Variants in MEI1 observed in about 807,000 individuals in gnomAD.
MEI1 encodes meiosis inhibitor protein 1.
Under a neutral mutation model 146.2 loss-of-function variants are expected in MEI1, and 103 were observed. That is an observed-to-expected ratio of 0.70 (90% CI 0.60 to 0.83). MEI1 has a LOEUF of 0.83. Ranked by LOEUF, MEI1 falls within the 40% of genes least tolerant of loss-of-function variation. The pLI, the probability that MEI1 is intolerant of heterozygous loss-of-function variation, is 0.00. For missense variants in MEI1, 1,529 were observed against 1,533.0 expected (o/e 1.00, Z 0.04); for synonymous variants, 652 against 628.2 (o/e 1.04, Z -0.57).
At chr22:41,731,953 C>G (rs140624772) in intron 9 of MEI1, among the ~76,000 whole-genome samples, 1 of 152,074 alleles carries the variant, frequency 6.6e-6, no homozygotes, top group South Asian at 2.1e-4. Flanking sequence ...CAAGGAGGAA[C>G]AGGAGTATGC....
intron 15 of MEI1, among the ~76,000 whole-genome samples, 192 bp downstream of exon 15, chr22:41,748,410 G>C (rs1237889408): frequency 1.3e-5 from 2 of 152,172 alleles, no homozygotes; most frequent in Non-Finnish European, 2.9e-5. Flanking sequence ...GGGGCTGGGC[G>C]TGGTAGCTCA....
intron 11 of MEI1, among the ~76,000 whole-genome samples, chr22:41,734,317 G>A (rs900673228): frequency 1.3e-5 from 2 of 152,002 alleles, no homozygotes; most frequent in South Asian, 2.1e-4. Flanking sequence ...TGTAGACGGG[G>A]CGCGGTGGCT....
rs1436367310 is a variant in MEI1, at chr22:41,734,347, C to G, written c.1331+1744C>G. ...GTGGCTCACGCCTATAATCCCAGCA[C>G]TTTGGGAGGCTGAGGCGGGCCAATT... On this transcript the variant is annotated intron_variant, in intron 11 of 30. Coordinates refer to ENST00000401548, the MANE Select transcript of MEI1 (RefSeq NM_152513.4). 2.0e-5 allele frequency among the ~76,000 whole-genome samples: 3 copies of G among 152,054 alleles called. No individual in the cohort carries two copies. In the East Asian group the frequency reaches 5.8e-4, roughly 30 times the overall value.
In MEI1 at chr22:41,740,677, T is replaced by A. The variant is rs1601855918; in HGVS notation, c.1332-2403T>A. Among the ~76,000 whole-genome samples, 4 of 151,626 alleles carry A rather than the reference T, an allele frequency of 2.6e-5. No individual in the cohort carries two copies. The South Asian group carries it at 8.3e-4, about 32-fold the overall frequency. On this transcript the variant is annotated intron_variant, in intron 11 of 30. Transcript: ENST00000401548. ...CCCAGGAGATTGAGGCTGCTGTGAG[T>A]TGTGTTTGTGCCACTGCACTCCAGC...
Position 41,699,533 on chromosome 22 carries a change from G to A in MEI1, c.-6G>A, listed in dbSNP as rs780370761. 8.7e-6 allele frequency: 14 copies of A among 1,606,390 alleles called. No homozygotes were observed. The African/African-American group carries it at 1.7e-4, about 19-fold the overall frequency. On this transcript the variant is annotated 5_prime_UTR_variant, in exon 1 of 31. Coordinates refer to ENST00000401548, the MANE Select transcript of MEI1 (RefSeq NM_152513.4). ...AGTGCCGCCTCAGCTGAGGGCAAGCGAGGAGATGGCTGTGAGGCAGGCGGC... is the reference window on the plus strand; with the variant it reads ...AGTGCCGCCTCAGCTGAGGGCAAGCAAGGAGATGGCTGTGAGGCAGGCGGC...
intron 11 of MEI1, among the ~76,000 whole-genome samples, 183 bp from the exon 12 acceptor site, chr22:41,742,897 G>A (rs148060928): frequency 3.0e-4 from 45 of 152,286 alleles, no homozygotes; most frequent in Non-Finnish European, 4.3e-4. Flanking sequence ...ACTCATCTCA[G>A]TCTCCCAAAG....
Position 41,716,123 on chromosome 22 carries a change from C to G in MEI1, c.506C>G (p.Ala169Gly). Residue 169 changes from alanine (A) to glycine (G), a missense_variant, in exon 5 of 31, where the codon GCA (alanine) becomes GGA (glycine). This residue lies in a region of MEI1 where 1,212 missense variants were observed against 1,178.9 expected (regional missense o/e 1.03). Transcript: ENST00000401548. ...GKLVDAIPAL[A>G]DELVMEHGNL... ...TTGGTGGATGCCATCCCTGCTCTGG[C>G]AGACGAGCTTGTAATGGAGCATGGT... is the stretch of plus-strand genomic sequence containing the variant. 2 of 1,609,670 alleles carry G rather than the reference C, an allele frequency of 1.2e-6. No individual in the cohort carries two copies. The highest frequency in any genetic ancestry group is 1.7e-6 in the Non-Finnish European group (2 of 1,177,938).
chr22:41,794,495 A>G lies in MEI1; in HGVS notation c.3534+18A>G. 6.2e-7 allele frequency: 1 copy of G among 1,602,932 alleles called. No homozygotes were observed. The highest frequency in any genetic ancestry group is 8.5e-7 in the Non-Finnish European group (1 of 1,169,908). The stretch of plus-strand genomic sequence containing the variant: ...TGACCCTGGTAAGTGCAGAAAGGAT[A>G]TCTTGTGGTCTGAGGAGTGTCATGA... On this transcript the variant is annotated intron_variant, in intron 28 of 30. Transcript: ENST00000401548.
intron 15 of MEI1, among the ~76,000 whole-genome samples, chr22:41,752,107 T>C (rs1020231805): frequency 6.6e-6 from 1 of 151,778 alleles, no homozygotes; most frequent in African/African-American, 2.4e-5. Context: ...TTATTGGACC[T>C]CTGTTCTGAG....
chr22:41,753,958 C>G lies in MEI1; in HGVS notation c.1863C>G (p.Ala621=). The change falls in exon 17 of 31, where the codon GCC becomes GCG. Residue 621 remains alanine, a synonymous_variant. Coordinates refer to ENST00000401548, the MANE Select transcript of MEI1 (RefSeq NM_152513.4). ...TTCTTCTCCCTCTAAGTCACTCAGCCCTAAACCAGGTGTGTTCCAATTTCC... is the reference window on the plus strand; with the variant it reads ...TTCTTCTCCCTCTAAGTCACTCAGCGCTAAACCAGGTGTGTTCCAATTTCC... ...ARFCSGLSHS[A]LNQVCSNFLY... 1 of 1,612,054 alleles carries G rather than the reference C, an allele frequency of 6.2e-7. No individual in the cohort carries two copies. The highest frequency in any genetic ancestry group is 1.7e-5 in the Admixed American group (1 of 60,008).
At chr22:41,757,573 T>C (rs1481382929) in intron 17 of MEI1, among the ~76,000 whole-genome samples, 1 of 151,998 alleles carries the variant, frequency 6.6e-6, no homozygotes, top group East Asian at 1.9e-4. Context: ...GCCAAGCTGG[T>C]CTTGAACTCC....
At chr22:41,762,184 T>TA (rs2074535493) in intron 18 of MEI1, among the ~76,000 whole-genome samples, 1 of 152,180 alleles carries the variant, frequency 6.6e-6, no homozygotes, top group Non-Finnish European at 1.5e-5. Context: ...ATGCTACCAT[T>TA]ACAGGCGTGA....
At chr22:41,739,872 G>A (rs1044615081) in intron 11 of MEI1, among the ~76,000 whole-genome samples, 3 of 152,142 alleles carry the variant, frequency 2.0e-5, no homozygotes, top group African/African-American at 4.8e-5. Flanking sequence ...ATTTGGGTTC[G>A]AGAGTATAGA....
rs2068531401 is a variant in MEI1 at position 41,699,570 on chromosome 22, C to T, written c.32C>T (p.Thr11Ile). ...GTGAGGCAGGCGGCGACGGCGGGCA[C>T]TCCCGGGCCCAGGAGAGAGGAAGAG... is the stretch of plus-strand genomic sequence containing the variant. MAVRQAATAG[T>I]PGPRREEEAA... is the part of the protein sequence containing the mutation. Residue 11 changes from threonine to isoleucine, a missense_variant, in exon 1 of 31, where the codon ACT (threonine) becomes ATT (isoleucine). This residue lies in a region of MEI1 where 1,212 missense variants were observed against 1,178.9 expected (regional missense o/e 1.03). Coordinates refer to ENST00000401548, the MANE Select transcript of MEI1 (RefSeq NM_152513.4). The T allele has an allele frequency of 6.2e-7, 1 of 1,612,504 alleles. No homozygotes were observed. Among genetic ancestry groups the T allele is most frequent in the African/African-American group, 1.3e-5 (1 of 75,010 alleles).
At chr22:41,740,288 G>C (rs1249209449) in intron 11 of MEI1, among the ~76,000 whole-genome samples, 1 of 151,992 alleles carries the variant, frequency 6.6e-6, no homozygotes, top group Non-Finnish European at 1.5e-5. Context: ...AAAGTGCTGG[G>C]ATTATAGGCG....
At chr22:41,730,486 G>A (rs1471750007) in intron 8 of MEI1, 35 bp from the exon 9 acceptor site, 2 of 1,430,328 alleles carry the variant, frequency 1.4e-6, no homozygotes, top group Non-Finnish European at 2.0e-6. Context: ...TCACATGGCT[G>A]TCATTTATTG....
intron 17 of MEI1, among the ~76,000 whole-genome samples, chr22:41,756,776 C>T (rs2147903271): frequency 6.6e-6 from 1 of 152,318 alleles, no homozygotes; most frequent in African/African-American, 2.4e-5. Flanking sequence ...GCCTATCCTT[C>T]TTTCCTGTTC....
At chr22:41,798,241 A>T (rs1459579944) in intron 30 of MEI1, among the ~76,000 whole-genome samples, 2 of 151,774 alleles carry the variant, frequency 1.3e-5, no homozygotes, top group East Asian at 3.9e-4. Flanking sequence ...ACACACACAC[A>T]CACACAATGT....
intron 3 of MEI1, among the ~76,000 whole-genome samples, chr22:41,710,505 A>C (rs577894216): frequency 6.6e-6 from 1 of 152,224 alleles, no homozygotes; most frequent in African/African-American, 2.4e-5. Context: ...TATATACCAC[A>C]TGGAAGATAG....
Sources: gnomAD v4.1 joint callset for allele counts (sites outside exome capture counted in the v4.1 genomes callset) on GRCh38, gnomAD v4.1.1 for gene constraint, gnomAD v4.1.1 regional missense constraint, MANE v1.5 for transcripts, NCBI Gene and HGNC (gene_info 2026-07-23, HGNC 2026-07-21) for gene names.